PTPRD: variants seen among roughly 807,000 people sequenced by gnomAD.
PTPRD encodes the protein protein tyrosine phosphatase receptor type D.
PTPRD carries 34 observed loss-of-function variants against 214.5 expected under a neutral mutation model. That is an observed-to-expected ratio of 0.16 (90% CI 0.12 to 0.21). PTPRD has a LOEUF of 0.21. Ranked by LOEUF, PTPRD falls within the 10% of genes least tolerant of loss-of-function variation. The pLI is 1.00. For missense variants in PTPRD, 2,545 were observed against 2,398.7 expected, an observed-to-expected ratio of 1.06 and a Z score of -1.27; for synonymous variants, 1,128 against 845.7, an observed-to-expected ratio of 1.33 and a Z score of -5.79.
intron 11 of PTPRD, among the ~76,000 whole-genome samples, chr9:8,923,611 T>C (rs944601741): frequency 1.3e-5 from 2 of 152,160 alleles, no homozygotes; most frequent in Admixed American, 1.3e-4. Flanking sequence ...ACTGACCTAT[T>C]TTAAAAATGC....
chr9:10,061,612 A>T (rs1460531483), intron 3 of PTPRD, among the ~76,000 whole-genome samples: 1 of 152,084 alleles, frequency 6.6e-6, no homozygotes, highest in Non-Finnish European at 1.5e-5. Flanking sequence ...CCACCATGTC[A>T]TTTAATAAAA....
intron 10 of PTPRD, among the ~76,000 whole-genome samples, chr9:9,108,125 CCAAG>C (rs1459775833): frequency 2.0e-5 from 3 of 152,124 alleles, no homozygotes; most frequent in African/African-American, 7.2e-5. Context: ...AATACTATTT[CCAAG>C]CCTGCAGCAT....
chr9:9,325,766 G>C (rs551367985), intron 9 of PTPRD, among the ~76,000 whole-genome samples: 104 of 152,256 alleles, frequency 6.8e-4, no homozygotes, highest in Middle Eastern at 6.8e-3. Flanking sequence ...TCCCTGTCTT[G>C]TGCCAGTTTT....
intron 11 of PTPRD, among the ~76,000 whole-genome samples, chr9:8,812,984 A>T (rs2096842433): frequency 6.6e-6 from 1 of 152,132 alleles, no homozygotes; most frequent in African/African-American, 2.4e-5. Flanking sequence ...ATTTTTACAA[A>T]GCTTTTGCTT....
intron 8 of PTPRD, among the ~76,000 whole-genome samples, chr9:9,405,071 A>T (rs28661243): frequency 4.9e-4 from 75 of 152,138 alleles, no homozygotes; most frequent in African/African-American, 1.3e-3. Flanking sequence ...GCTCTTTATT[A>T]TTCCAGACAC....
intron 14 of PTPRD, among the ~76,000 whole-genome samples, chr9:8,625,334 ATACTT>A (rs2095988033): frequency 6.6e-6 from 1 of 151,852 alleles, no homozygotes; most frequent in Non-Finnish European, 1.5e-5. Flanking sequence ...CTTTTCTACT[ATACTT>A]AATTTTCTAG....
chr9:9,770,308 C>T (rs1024294370), intron 5 of PTPRD, among the ~76,000 whole-genome samples: 3 of 152,180 alleles, frequency 2.0e-5, no homozygotes, highest in South Asian at 2.1e-4. Flanking sequence ...ATTCTTACAG[C>T]GTGAGAGAAA....
rs140985070 is a variant in PTPRD at position 8,537,956 on chromosome 9, C to T, written c.353-9177G>A. Among the ~76,000 whole-genome samples the T allele has an allele frequency of 3.7e-3, 565 of 152,040 alleles. 3 individuals carry two copies. The Middle Eastern group carries it at 0.037, about 10-fold the overall frequency. ...AGTGCTCGGCCTGAGCAAATGATTA[C>T]CCTTTTTGTGATTCATAATCAAATA... is the stretch of plus-strand genomic sequence containing the variant. On this transcript the variant is annotated intron_variant, in intron 14 of 45. Coordinates refer to ENST00000381196, the MANE Select transcript of PTPRD (RefSeq NM_002839.4).
Position 9,059,097 on chromosome 9 carries a change from T to C in PTPRD, c.-142-40362A>G, listed in dbSNP as rs145470185. ...AACTGAAAGTTTGGAACAGAGGCAG[T>C]GAGTCATACCACATGAAAAAAATAT... On this transcript the variant is annotated intron_variant, in intron 10 of 45. Transcript: ENST00000381196. Among the ~76,000 whole-genome samples, 621 of 152,150 alleles carry C rather than the reference T, an allele frequency of 4.1e-3. 3 individuals carry two copies. The highest frequency in any genetic ancestry group is 0.014 in the African/African-American group (596 of 41,506).
At chr9:9,499,197 C>T (rs2096311479) in intron 8 of PTPRD, among the ~76,000 whole-genome samples, 1 of 152,084 alleles carries the variant, frequency 6.6e-6, no homozygotes, top group Non-Finnish European at 1.5e-5. Context: ...TATTTTTCAT[C>T]ATGTTGATAA....
In PTPRD at chr9:9,976,883, T is replaced by G. The variant is rs1413439324; in HGVS notation, c.-471-38273A>C. On this transcript the variant is annotated intron_variant, in intron 4 of 45. Transcript: ENST00000381196. ...AATTTTTAAAAAAATGAAATAACTC[T>G]TTACTCACAACAAATTTGATTTGGC... 2.0e-5 allele frequency among the ~76,000 whole-genome samples: 3 copies of G among 151,986 alleles called. No individual in the cohort carries two copies. The East Asian group carries it at 5.8e-4, about 30-fold the overall frequency.
intron 11 of PTPRD, among the ~76,000 whole-genome samples, chr9:8,916,991 G>T (rs2098790537): frequency 1.3e-5 from 2 of 151,256 alleles, no homozygotes; most frequent in South Asian, 4.2e-4. Flanking sequence ...TCTTTATGAG[G>T]CCTCATGGGA....
At chr9:9,064,703 T>C (rs1590885736) in intron 10 of PTPRD, among the ~76,000 whole-genome samples, 1 of 152,224 alleles carries the variant, frequency 6.6e-6, no homozygotes, top group African/African-American at 2.4e-5. Context: ...GACAGCAATC[T>C]GTGGTATGAA....
At chr9:9,661,632 CA>C (rs140390758) in intron 7 of PTPRD, among the ~76,000 whole-genome samples, 1 of 151,644 alleles carries the variant, frequency 6.6e-6, no homozygotes, top group African/African-American at 2.4e-5. Flanking sequence ...AACAAACAAA[CA>C]AAAAAGTATG....
chr9:9,443,899 C>T (rs113365355), intron 8 of PTPRD, among the ~76,000 whole-genome samples: 2 of 152,286 alleles, frequency 1.3e-5, no homozygotes, highest in African/African-American at 4.8e-5. Context: ...GAAAGCAAGA[C>T]TGAAACATGC....
chr9:9,336,431 G>A (rs543584102), intron 9 of PTPRD, among the ~76,000 whole-genome samples: 26 of 152,208 alleles, frequency 1.7e-4, no homozygotes, highest in South Asian at 4.1e-4. Flanking sequence ...GCCTGACGTC[G>A]CACAGTGATC....
chr9:9,366,021 A>T (rs1471075213), intron 9 of PTPRD, among the ~76,000 whole-genome samples: 1 of 151,468 alleles, frequency 6.6e-6, no homozygotes, highest in South Asian at 2.1e-4. Context: ...TTCTGAGTAA[A>T]ATTCTGCCAT....
intron 5 of PTPRD, among the ~76,000 whole-genome samples, chr9:9,789,172 A>G (rs2098948658): frequency 6.6e-6 from 1 of 152,132 alleles, no homozygotes; most frequent in Non-Finnish European, 1.5e-5. Flanking sequence ...ATGCCTATAT[A>G]TTTTTCTAAA....
chr9:10,223,308 C>T (rs968271132), intron 3 of PTPRD, among the ~76,000 whole-genome samples: 1 of 151,704 alleles, frequency 6.6e-6, no homozygotes, highest in South Asian at 2.1e-4. Context: ...TGCCCATGTC[C>T]TGGCACTAAA....
Sources: gnomAD v4.1 joint callset for allele counts (sites outside exome capture counted in the v4.1 genomes callset) on GRCh38, gnomAD v4.1.1 for gene constraint, MANE v1.5 for transcripts, NCBI Gene and HGNC (gene_info 2026-07-23, HGNC 2026-07-21) for gene names.